Variants in MAGI1 observed in about 807,000 individuals in gnomAD.
The protein encoded by MAGI1 is membrane-associated guanylate kinase, WW and PDZ domain-containing protein 1.
In MAGI1, 58 loss-of-function variants were observed where a neutral mutation model predicts 139.9. That is an observed-to-expected ratio of 0.41 (90% confidence interval 0.34 to 0.52). The LOEUF is 0.52. Ranked by LOEUF, MAGI1 falls within the 20% of genes least tolerant of loss-of-function variation. MAGI1 has a pLI of 0.12. For missense variants in MAGI1, 1,874 were observed against 1,901.6 expected (o/e 0.99, Z 0.27); for synonymous variants, 812 against 737.9 (o/e 1.10, Z -1.63).
At chr3:65,968,539 T>C (rs1050333354) in intron 1 of MAGI1, among the ~76,000 whole-genome samples, 2 of 152,084 alleles carry the variant, frequency 1.3e-5, no homozygotes, top group African/African-American at 4.8e-5. Context: ...GAAACTCATA[T>C]ACACATATCA....
intron 1 of MAGI1, among the ~76,000 whole-genome samples, chr3:65,638,855 C>T (rs868439643): frequency 1.1e-4 from 16 of 152,172 alleles, no homozygotes; most frequent in Admixed American, 5.9e-4. Flanking sequence ...GATCCGCCCA[C>T]CTCAGCCTCC....
chr3:65,996,411 C>G (rs2066450983), intron 1 of MAGI1, among the ~76,000 whole-genome samples: 1 of 151,876 alleles, frequency 6.6e-6, no homozygotes. Flanking sequence ...CCCATTCAAT[C>G]CTAACTAAAT....
chr3:65,382,820 C>T (rs571140922), intron 15 of MAGI1, among the ~76,000 whole-genome samples: 33 of 152,172 alleles, frequency 2.2e-4, no homozygotes, highest in Non-Finnish European at 3.4e-4. Context: ...GATGTGAAAA[C>T]GGGATAAACT....
intron 1 of MAGI1, among the ~76,000 whole-genome samples, chr3:65,743,114 G>C (rs796104046): frequency 2.2e-4 from 33 of 152,186 alleles, no homozygotes; most frequent in South Asian, 1.2e-3. Flanking sequence ...GGCATACAAA[G>C]ATGATTCATA....
At chr3:65,527,656 C>G (rs536585556) in intron 2 of MAGI1, among the ~76,000 whole-genome samples, 2 of 152,106 alleles carry the variant, frequency 1.3e-5, no homozygotes, top group Non-Finnish European at 2.9e-5. Context: ...ACCCGGGGGG[C>G]AGAGCTTGCA....
At chr3:65,416,078 A>G (rs1415176825) in intron 12 of MAGI1, among the ~76,000 whole-genome samples, 1 of 152,248 alleles carries the variant, frequency 6.6e-6, no homozygotes. Context: ...AAAATACCTA[A>G]GAGCGTGTAG....
intron 1 of MAGI1, among the ~76,000 whole-genome samples, chr3:65,859,987 C>A (rs564158263): frequency 1.3e-5 from 2 of 151,632 alleles, no homozygotes; most frequent in African/African-American, 4.8e-5. Flanking sequence ...CCTCTGCCTC[C>A]GGGGTTCAAG....
intron 2 of MAGI1, among the ~76,000 whole-genome samples, chr3:65,494,546 A>G (rs1952282931): frequency 6.6e-6 from 1 of 152,228 alleles, no homozygotes; most frequent in Non-Finnish European, 1.5e-5. Flanking sequence ...AGACGAAAAA[A>G]AAGAGCAAAA....
At chr3:65,742,539 C>T (rs1382881969) in intron 1 of MAGI1, among the ~76,000 whole-genome samples, 2 of 152,108 alleles carry the variant, frequency 1.3e-5, no homozygotes, top group African/African-American at 2.4e-5. Flanking sequence ...AAATAAAGAC[C>T]CCAGTCGCTT....
chr3:65,788,809 G>A lies in MAGI1; in HGVS notation c.314-166721C>T, dbSNP rs1052551426. On this transcript the variant is annotated intron_variant, in intron 1 of 22. Coordinates refer to ENST00000402939, the MANE Select transcript of MAGI1 (RefSeq NM_001033057.2). The stretch of plus-strand genomic sequence containing the variant: ...CCATTATGTGTGGGAGTTGCTCAGT[G>A]AAAACACAAGGAAAATTTAGAGAAG... Among the ~76,000 whole-genome samples, 7 of 152,170 alleles carry A rather than the reference G, an allele frequency of 4.6e-5. No homozygotes were observed. The South Asian group carries it at 8.3e-4, about 18-fold the overall frequency.
intron 2 of MAGI1, among the ~76,000 whole-genome samples, chr3:65,523,214 T>G (rs183994109): frequency 6.6e-6 from 1 of 152,128 alleles, no homozygotes; most frequent in African/African-American, 2.4e-5. Context: ...TATTAGCCAA[T>G]TATTATTGAA....
At chr3:65,364,816 T>G (rs1248380279) in intron 19 of MAGI1, 37 bp downstream of exon 19, 15 of 1,611,700 alleles carry the variant, frequency 9.3e-6, no homozygotes, top group South Asian at 2.2e-5. Context: ...GGAGTTACTT[T>G]TTTCCCCTTT....
chr3:65,808,459 C>T (rs1168539973), intron 1 of MAGI1, among the ~76,000 whole-genome samples: 1 of 152,062 alleles, frequency 6.6e-6, no homozygotes, highest in Non-Finnish European at 1.5e-5. Flanking sequence ...AATCGTGCCA[C>T]TGCAATCCAG....
chr3:65,544,200 C>T (rs764937606), intron 2 of MAGI1, among the ~76,000 whole-genome samples: 1 of 151,976 alleles, frequency 6.6e-6, no homozygotes, highest in Non-Finnish European at 1.5e-5. Flanking sequence ...ATGATGACTA[C>T]TTTATTTTAA....
In MAGI1 at chr3:65,790,903, C is replaced by T. The variant is rs901354882; in HGVS notation, c.314-168815G>A. Among the ~76,000 whole-genome samples the T allele has an allele frequency of 5.3e-5, 8 of 152,140 alleles. No individual in the cohort carries two copies. In the East Asian group the frequency reaches 1.6e-3, roughly 30 times the overall value. Reference sequence around the variant, plus strand: ...CAGCCTGGCCAACATGGTAAAATCCCATTTCTACTAAAAATACAAAAATTA... The same window carrying T: ...CAGCCTGGCCAACATGGTAAAATCCTATTTCTACTAAAAATACAAAAATTA... On this transcript the variant is annotated intron_variant, in intron 1 of 22. Coordinates refer to ENST00000402939, the MANE Select transcript of MAGI1 (RefSeq NM_001033057.2).
chr3:65,759,065 C>CAAAAAAAAAAA (rs200497203), intron 1 of MAGI1, among the ~76,000 whole-genome samples: 7 of 73,068 alleles, frequency 9.6e-5, no homozygotes, highest in African/African-American at 3.3e-4. Flanking sequence ...AGGCCCAGTG[C>CAAAAAAAAAAA]AAAAAAAAAA....
At chr3:65,674,418 C>A (rs533381718) in intron 1 of MAGI1, among the ~76,000 whole-genome samples, 1 of 152,268 alleles carries the variant, frequency 6.6e-6, no homozygotes, top group South Asian at 2.1e-4. Context: ...CCTTCCCAAG[C>A]CCATGAGGTG....
chr3:66,013,346 T>G (rs113316248), intron 1 of MAGI1, among the ~76,000 whole-genome samples: 9,776 of 145,672 alleles, frequency 0.067, 420 homozygotes, highest in African/African-American at 0.096. Context: ...GAGGTTGCAG[T>G]GAGCAAAGAT....
At chr3:65,379,685 C>T in intron 16 of MAGI1, 131 bp from the exon 17 acceptor site, 2 of 1,421,244 alleles carry the variant, frequency 1.4e-6, no homozygotes, top group South Asian at 2.7e-5. Flanking sequence ...CACCTGGTTT[C>T]ACAATACCTG....
Sources: allele counts gnomAD v4.1 joint callset (sites outside exome capture counted in the v4.1 genomes callset), GRCh38; gene constraint gnomAD v4.1.1; transcripts MANE v1.5; gene names NCBI Gene and HGNC (gene_info 2026-07-23, HGNC 2026-07-21).